UGT1A5: variants seen among roughly 807,000 people sequenced by gnomAD.
UGT1A5 encodes the protein UDP-glucuronosyltransferase 1A5.
A neutral mutation model predicts 40.3 loss-of-function variants in UGT1A5; 29 were observed. That is an observed-to-expected ratio of 0.72 (90% CI 0.54 to 0.98). The LOEUF (loss-of-function observed/expected upper bound fraction) is 0.98. Among genes scored for constraint, UGT1A5 ranks in the 50% least tolerant of loss-of-function variants. The pLI, the probability that UGT1A5 is intolerant of heterozygous loss-of-function variation, is 0.00. For missense variants in UGT1A5, 678 were observed against 677.9 expected, an observed-to-expected ratio of 1.00 and a Z score of 0.00; for synonymous variants, 257 against 262.5, an observed-to-expected ratio of 0.98 and a Z score of 0.20.
chr2:233,713,496 G>A lies in UGT1A5; in HGVS notation c.505G>A (p.Ala169Thr). The change falls in exon 1 of 5, where the codon GCT becomes ACT. Residue 169 changes from alanine to threonine, a missense_variant. Transcript: ENST00000373414. Reference protein sequence around the residue: ...AVLAKYLSIPAVFFLRNIPCD... With the variant: ...AVLAKYLSIPTVFFLRNIPCD... ...GCTGGCTAAGTACCTGTCGATTCCT[G>A]CTGTGTTTTTCTTGAGGAACATTCC... 5 of 1,613,972 alleles carry A rather than the reference G, an allele frequency of 3.1e-6. No homozygotes were observed. Among genetic ancestry groups the A allele is most frequent in the South Asian group, 1.1e-5 (1 of 91,068 alleles).
chr2:233,765,844 C>G (rs997504549), intron 1 of UGT1A5, among the ~76,000 whole-genome samples: 1 of 152,044 alleles, frequency 6.6e-6, no homozygotes, highest in African/African-American at 2.4e-5. Flanking sequence ...TTCCTTGTCC[C>G]CCTCACAGAG....
At chr2:233,767,718 A>G in intron 2 of UGT1A5, 131 bp from the exon 3 acceptor site, 1 of 1,541,762 alleles carries the variant, frequency 6.5e-7, no homozygotes, top group Non-Finnish European at 8.7e-7. Context: ...AAGCCTTCAC[A>G]GTTACTGATC....
chr2:233,763,254 T>C (rs1698269941), intron 1 of UGT1A5, among the ~76,000 whole-genome samples: 1 of 152,240 alleles, frequency 6.6e-6, no homozygotes, highest in Non-Finnish European at 1.5e-5. Context: ...TAGTAACCTG[T>C]TTTGTCTTGT....
In UGT1A5 at chr2:233,725,322, G is replaced by C. The variant is rs1180235241; in HGVS notation, c.867+11464G>C. Among the ~76,000 whole-genome samples the C allele has an allele frequency of 1.9e-5, 2 of 103,758 alleles. 1 individual carries two copies. Among genetic ancestry groups the C allele is most frequent in the Non-Finnish European group, 4.1e-5 (2 of 49,016 alleles). 68.1% of individuals were successfully genotyped at this position (103,758 alleles called of 152,430 possible). On this transcript the variant is annotated intron_variant, in intron 1 of 4. Transcript: ENST00000373414. Reference sequence around the variant, plus strand: ...GGCAGAGGCAGAGGCAGAGGCGCCTGGTCAACAATCTTAAGTCCAATAAGA... The same window carrying C: ...GGCAGAGGCAGAGGCAGAGGCGCCTCGTCAACAATCTTAAGTCCAATAAGA...
rs62191899 is a variant in UGT1A5 at position 233,718,862 on chromosome 2, A to G, written c.867+5004A>G. On this transcript the variant is annotated intron_variant, in intron 1 of 4. Coordinates refer to ENST00000373414, the MANE Select transcript of UGT1A5 (RefSeq NM_019078.2). ...AGGTTCCCCTGCCGCGGCTGGCCACAGGACTGCTGCTCCTCCTCAGTGTCC... is the reference window on the plus strand; with the variant it reads ...AGGTTCCCCTGCCGCGGCTGGCCACGGGACTGCTGCTCCTCCTCAGTGTCC... 3,156 of 1,613,830 alleles carry G rather than the reference A, an allele frequency of 2.0e-3. 12 individuals carry two copies. The highest frequency in any genetic ancestry group is 2.2e-3 in the Non-Finnish European group (2,611 of 1,179,922).
chr2:233,752,746 A>AAAAC lies in UGT1A5; in HGVS notation c.868-14265_868-14262dup, dbSNP rs200752387. Among the ~76,000 whole-genome samples the AAAAC allele has an allele frequency of 7.8e-3, 1,184 of 152,306 alleles. 57 individuals carry two copies. In the East Asian group the frequency reaches 0.13, roughly 17 times the overall value. On this transcript the variant is annotated intron_variant, in intron 1 of 4. Transcript: ENST00000373414. ...AGCTACAGAGAGAGACCCTGTCTCTAAAACAAACAAACAAACAAACAAACA... is the reference window on the plus strand; with the variant it reads ...AGCTACAGAGAGAGACCCTGTCTCTAAAACAAACAAACAAACAAACAAACAAACA...
intron 1 of UGT1A5, among the ~76,000 whole-genome samples, chr2:233,742,359 GA>G (rs1415780327): frequency 1.3e-5 from 2 of 152,084 alleles, no homozygotes; most frequent in Admixed American, 6.5e-5. Flanking sequence ...ATCTGCAGCA[GA>G]AACATGTCCT....
intron 1 of UGT1A5, chr2:233,760,815 A>G: frequency 6.2e-7 from 1 of 1,613,556 alleles, no homozygotes; most frequent in Non-Finnish European, 8.5e-7. Context: ...ATGCACTGCC[A>G]TGCAGCCTGG....
At chr2:233,713,959 G>T in intron 1 of UGT1A5, 101 bp downstream of exon 1, 2 of 1,607,338 alleles carry the variant, frequency 1.2e-6, no homozygotes, top group South Asian at 2.2e-5. Flanking sequence ...TCTTTCCAAA[G>T]ATTTCATTTC....
intron 1 of UGT1A5, among the ~76,000 whole-genome samples, chr2:233,715,951 T>C (rs189079466): frequency 1.1e-3 from 172 of 152,286 alleles, no homozygotes; most frequent in African/African-American, 4.0e-3. Flanking sequence ...GTTTGTTGAC[T>C]GACTGACTGA....
intron 1 of UGT1A5, among the ~76,000 whole-genome samples, chr2:233,736,444 A>G (rs1261930355): frequency 1.3e-5 from 2 of 152,138 alleles, no homozygotes; most frequent in Non-Finnish European, 2.9e-5. Flanking sequence ...CTTCCTTGCA[A>G]TAGGTTCGAA....
At chr2:233,719,280 G>A (rs762367100) in intron 1 of UGT1A5, 57 of 1,613,966 alleles carry the variant, frequency 3.5e-5, no homozygotes, top group South Asian at 5.5e-5. Context: ...AACAGACCCC[G>A]TTAACCTCTG....
chr2:233,767,309 T>A, intron 2 of UGT1A5, 144 bp downstream of exon 2: 2 of 1,517,866 alleles, frequency 1.3e-6, no homozygotes, highest in Non-Finnish European at 8.7e-7. Context: ...CCAAAGGTTT[T>A]TTTTGTTGTT....
intron 1 of UGT1A5, among the ~76,000 whole-genome samples, chr2:233,735,070 G>A (rs572214554): frequency 1.3e-5 from 2 of 152,256 alleles, no homozygotes; most frequent in East Asian, 1.9e-4. Context: ...GGATATCCTT[G>A]TTAACCTTTG....
intron 1 of UGT1A5, among the ~76,000 whole-genome samples, chr2:233,752,117 A>T (rs910162092): frequency 3.9e-5 from 6 of 152,242 alleles, no homozygotes. Context: ...GAGGAGAAGA[A>T]GATGATGGAC....
chr2:233,727,892 G>A (rs1335594867), intron 1 of UGT1A5, among the ~76,000 whole-genome samples: 1 of 152,130 alleles, frequency 6.6e-6, no homozygotes, highest in African/African-American at 2.4e-5. Flanking sequence ...TGGCAGACAC[G>A]GCCAGGCAAG....
chr2:233,750,910 G>T (rs1371262201), intron 1 of UGT1A5, among the ~76,000 whole-genome samples: 1 of 151,884 alleles, frequency 6.6e-6, no homozygotes, highest in African/African-American at 2.4e-5. Context: ...GCTAGAGAAG[G>T]GTGGTAAAGA....
At chr2:233,741,151 C>T (rs1377389492) in intron 1 of UGT1A5, among the ~76,000 whole-genome samples, 2 of 151,930 alleles carry the variant, frequency 1.3e-5, no homozygotes, top group Admixed American at 6.5e-5. Flanking sequence ...TATGACAGCA[C>T]TAATCCAGGA....
chr2:233,756,209 T>A (rs1696149779), intron 1 of UGT1A5: 1 of 152,246 alleles, frequency 6.6e-6, no homozygotes. Flanking sequence ...TCCCTGGTAT[T>A]CTGAAGGGAT....
Sources: allele counts gnomAD v4.1 joint callset (sites outside exome capture counted in the v4.1 genomes callset), GRCh38; gene constraint gnomAD v4.1.1; transcripts MANE v1.5; gene names NCBI Gene and HGNC (gene_info 2026-07-23, HGNC 2026-07-21).